Variants in TGFA observed in about 807,000 individuals in gnomAD.
TGFA encodes transforming growth factor alpha, also known as protransforming growth factor alpha.
TGFA carries 12 observed loss-of-function variants against 21.7 expected under a neutral mutation model. That is an observed-to-expected ratio of 0.55 (90% confidence interval 0.35 to 0.90). The LOEUF is 0.90. Among genes scored for constraint, TGFA ranks in the 40% least tolerant of loss-of-function variants. The pLI is 0.01. For synonymous variants in TGFA, 79 were observed against 88.1 expected, an observed-to-expected ratio of 0.90 and a Z score of 0.58; for missense variants, 178 against 210.8, an observed-to-expected ratio of 0.84 and a Z score of 0.96.
rs58997765 is a variant in TGFA at position 70,504,483 on chromosome 2, TACACACACACACAC to T, written c.94+10362_94+10375del. ...ATATATACACACATACATACATACA[TACACACACACACAC>T]ACACACACACACACACACACAGAAG... On this transcript the variant is annotated intron_variant, in intron 2 of 5. Coordinates refer to ENST00000295400, the MANE Select transcript of TGFA (RefSeq NM_003236.4). Among the ~76,000 whole-genome samples the T allele has an allele frequency of 8.7e-5, 8 of 92,076 alleles. No homozygotes were observed. The South Asian group carries it at 1.5e-3, about 17-fold the overall frequency. 60.4% of individuals were successfully genotyped at this position (92,076 alleles called of 152,430 possible).
chr2:70,504,444 A>ATATATATATATG (rs1464420716), intron 2 of TGFA, among the ~76,000 whole-genome samples: 1 of 76,576 alleles, frequency 1.3e-5, no homozygotes, highest in East Asian at 4.2e-4. Context: ...ATATATATAT[A>ATATATATATATG]TATATATATA....
At chr2:70,456,633 G>A (rs868932673) in intron 3 of TGFA, 145 bp from the exon 4 acceptor site, 1 of 971,284 alleles carries the variant, frequency 1.0e-6, no homozygotes, top group East Asian at 2.7e-5. Flanking sequence ...GGAGGGAAAG[G>A]TGTCAGCAAA....
chr2:70,521,617 G>GTTTTTTTTTTTTTTTTTTTTTTTTT (rs35177436), intron 1 of TGFA, among the ~76,000 whole-genome samples: 11 of 87,092 alleles, frequency 1.3e-4, no homozygotes, highest in Admixed American at 1.6e-4. Context: ...TTGTTTGTTT[G>GTTTTTTTTTTTTTTTTTTTTTTTTT]TTTTTTTTTT....
intron 1 of TGFA, among the ~76,000 whole-genome samples, chr2:70,521,520 A>G (rs2103874788): frequency 6.6e-6 from 1 of 152,148 alleles, no homozygotes; most frequent in East Asian, 1.9e-4. Flanking sequence ...TAAACGAGAG[A>G]CACATGAGAA....
At chr2:70,493,549 G>T (rs1227977762) in intron 2 of TGFA, among the ~76,000 whole-genome samples, 1 of 152,106 alleles carries the variant, frequency 6.6e-6, no homozygotes, top group African/African-American at 2.4e-5. Context: ...AGTACCCTCT[G>T]AAATGTTCCA....
chr2:70,495,896 ACT>A (rs11466227), intron 2 of TGFA, among the ~76,000 whole-genome samples: 4 of 152,190 alleles, frequency 2.6e-5, no homozygotes, highest in African/African-American at 9.7e-5. Context: ...TAGGAAAACT[ACT>A]GACTGTTTTC....
chr2:70,490,889 C>G (rs956188058), intron 2 of TGFA, among the ~76,000 whole-genome samples: 5 of 152,194 alleles, frequency 3.3e-5, no homozygotes, highest in African/African-American at 1.2e-4. Context: ...TGTCTGTGGA[C>G]CAATTAGTGC....
chr2:70,492,603 C>T (rs1454471683), intron 2 of TGFA, among the ~76,000 whole-genome samples: 4 of 152,216 alleles, frequency 2.6e-5, no homozygotes, highest in Non-Finnish European at 5.9e-5. Context: ...GATTCAGGCC[C>T]AGGCTTCTGT....
chr2:70,454,178 G>T (rs1670148932), intron 4 of TGFA, among the ~76,000 whole-genome samples: 1 of 152,222 alleles, frequency 6.6e-6, no homozygotes, highest in East Asian at 1.9e-4. Context: ...GGAGTTAGGA[G>T]AAATTTCCTA....
At chr2:70,478,265 G>C (rs1372579709) in intron 2 of TGFA, among the ~76,000 whole-genome samples, 1 of 152,138 alleles carries the variant, frequency 6.6e-6, no homozygotes, top group African/African-American at 2.4e-5. Context: ...AATATAAAAT[G>C]GTGCCGCCAC....
intron 2 of TGFA, among the ~76,000 whole-genome samples, chr2:70,471,568 A>G (rs1348722283): frequency 1.3e-5 from 2 of 152,158 alleles, no homozygotes; most frequent in African/African-American, 2.4e-5. Context: ...ATCCTCCCAG[A>G]CTCAGCAAAG....
intron 3 of TGFA, among the ~76,000 whole-genome samples, chr2:70,459,320 A>T (rs1302963164): frequency 1.3e-5 from 2 of 152,240 alleles, no homozygotes; most frequent in Non-Finnish European, 2.9e-5. Flanking sequence ...AAACTCCTAC[A>T]TGAATCATCT....
Position 70,447,511 on chromosome 2 carries a change from T to G in TGFA, c.*3348A>C, listed in dbSNP as rs1283273103. 1 of 152,562 alleles carries G rather than the reference T, an allele frequency of 6.6e-6. No individual in the cohort carries two copies. The highest frequency in any genetic ancestry group is 1.5e-5 in the Non-Finnish European group (1 of 68,034). The allele number at this position is 152,562 out of a possible 1,614,324, so 9.5% of individuals were successfully genotyped here. A position where few individuals can be genotyped will look rare whatever the true frequency, so the allele number is the denominator to read the frequency against. Reference sequence around the variant, plus strand: ...AAACATTAAATATTAACCTTTTCAGTGCAACATATACAGACATCAGAGTAA... The same window carrying G: ...AAACATTAAATATTAACCTTTTCAGGGCAACATATACAGACATCAGAGTAA... On this transcript the variant is annotated 3_prime_UTR_variant, in exon 6 of 6. Transcript: ENST00000295400.
At chr2:70,490,874 A>G (rs1439642935) in intron 2 of TGFA, among the ~76,000 whole-genome samples, 1 of 152,184 alleles carries the variant, frequency 6.6e-6, no homozygotes, top group Admixed American at 6.5e-5. Flanking sequence ...CATAAAGTGT[A>G]GATATGTCTG....
intron 2 of TGFA, among the ~76,000 whole-genome samples, chr2:70,514,233 T>C (rs13415140): frequency 0.025 from 3,860 of 152,134 alleles, 167 homozygotes; most frequent in African/African-American, 0.089. Context: ...GGAATCCACA[T>C]TGTTTCCTCA....
chr2:70,529,589 C>CCCT (rs1215214233), intron 1 of TGFA, among the ~76,000 whole-genome samples: 1 of 84,878 alleles, frequency 1.2e-5, no homozygotes, highest in Non-Finnish European at 2.6e-5. Context: ...AGGAGTGAAT[C>CCCT]CCCCCGCCCC....
intron 3 of TGFA, among the ~76,000 whole-genome samples, chr2:70,460,893 A>G (rs1339610404): frequency 1.3e-5 from 2 of 152,218 alleles, no homozygotes; most frequent in Non-Finnish European, 2.9e-5. Flanking sequence ...ATATCTGGGC[A>G]GATGAATACA....
intron 1 of TGFA, among the ~76,000 whole-genome samples, chr2:70,548,182 C>T (rs1673375238): frequency 2.6e-5 from 4 of 152,132 alleles, no homozygotes; most frequent in Admixed American, 6.6e-5. Flanking sequence ...TGAACACCAC[C>T]AAGTGTTTGC....
At chr2:70,453,034 T>C (rs1670106006) in intron 5 of TGFA, among the ~76,000 whole-genome samples, 184 bp downstream of exon 5, 1 of 152,116 alleles carries the variant, frequency 6.6e-6, no homozygotes, top group Non-Finnish European at 1.5e-5. Flanking sequence ...AGCCAGGATG[T>C]AAGGGGTCCC....
Sources: allele counts gnomAD v4.1 joint callset (sites outside exome capture counted in the v4.1 genomes callset), GRCh38; gene constraint gnomAD v4.1.1; transcripts MANE v1.5; gene names NCBI Gene and HGNC (gene_info 2026-07-23, HGNC 2026-07-21).